CACNA2D3: variants seen among roughly 807,000 people sequenced by gnomAD.
The protein encoded by CACNA2D3 is calcium voltage-gated channel auxiliary subunit alpha2delta 3, also known as voltage-dependent calcium channel subunit alpha-2/delta-3.
Under a neutral mutation model 160.6 loss-of-function variants are expected in CACNA2D3, and 60 were observed. The ratio of observed to expected loss-of-function variants is 0.37; its 90% CI spans 0.30 to 0.46. The LOEUF is 0.46. Among genes scored for constraint, CACNA2D3 ranks in the 20% least tolerant of loss-of-function variants. CACNA2D3 has a pLI of 1.00. For missense variants in CACNA2D3, 1,205 were observed against 1,365.0 expected (o/e 0.88, Z 1.85); for synonymous variants, 558 against 492.9 (o/e 1.13, Z -1.75).
chr3:54,896,601 T>G, intron 25 of CACNA2D3, 148 bp from the exon 26 acceptor site: 1 of 822,316 alleles, frequency 1.2e-6, no homozygotes, highest in South Asian at 1.6e-5. Flanking sequence ...TGCACAGTGT[T>G]AAGTGAGGCC....
At chr3:54,155,189 G>T (rs1044969572) in intron 2 of CACNA2D3, among the ~76,000 whole-genome samples, 9 of 152,214 alleles carry the variant, frequency 5.9e-5, no homozygotes, top group African/African-American at 2.2e-4. Flanking sequence ...TTAGTGGTCA[G>T]CATGCTAGGC....
intron 2 of CACNA2D3, among the ~76,000 whole-genome samples, chr3:54,287,546 G>A (rs1703065552): frequency 6.8e-6 from 1 of 147,600 alleles, no homozygotes; most frequent in African/African-American, 2.5e-5. Flanking sequence ...GGATACCCAG[G>A]AATTGAACTC....
intron 11 of CACNA2D3, among the ~76,000 whole-genome samples, chr3:54,700,605 TTA>T (rs1408418182): frequency 6.6e-6 from 1 of 152,244 alleles, no homozygotes; most frequent in Admixed American, 6.5e-5. Context: ...GTTTTTATTT[TTA>T]TTTTTAATAT....
intron 4 of CACNA2D3, among the ~76,000 whole-genome samples, chr3:54,501,452 G>A (rs890610321): frequency 2.0e-5 from 3 of 149,852 alleles, no homozygotes; most frequent in Non-Finnish European, 1.5e-5. Flanking sequence ...TGTCACCCAG[G>A]CTAGAGTACA....
At chr3:54,944,912 C>G (rs554979442) in intron 27 of CACNA2D3, among the ~76,000 whole-genome samples, 2 of 152,174 alleles carry the variant, frequency 1.3e-5, no homozygotes, top group East Asian at 1.9e-4. Context: ...GGTGAAGGCT[C>G]TCCCCAAATA....
At chr3:54,698,098 A>T (rs1357159458) in intron 11 of CACNA2D3, among the ~76,000 whole-genome samples, 2 of 152,148 alleles carry the variant, frequency 1.3e-5, no homozygotes, top group Non-Finnish European at 2.9e-5. Flanking sequence ...AAACAATCCA[A>T]ATAATATTTT....
intron 2 of CACNA2D3, among the ~76,000 whole-genome samples, chr3:54,150,900 GATGGATGGGTGA>G (rs1338068629): frequency 2.0e-5 from 3 of 152,086 alleles, no homozygotes; most frequent in South Asian, 2.1e-4. Context: ...GAATGGATTG[GATGGATGGGTGA>G]ATGGATGGGT....
At chr3:54,811,338 G>A (rs1046759942) in intron 13 of CACNA2D3, among the ~76,000 whole-genome samples, 4 of 151,878 alleles carry the variant, frequency 2.6e-5, no homozygotes, top group Non-Finnish European at 4.4e-5. Flanking sequence ...GACCAACCTT[G>A]GCCGCATCTT....
At chr3:54,895,224 G>T (rs1700160778) in intron 25 of CACNA2D3, among the ~76,000 whole-genome samples, 1 of 152,148 alleles carries the variant, frequency 6.6e-6, no homozygotes, top group Non-Finnish European at 1.5e-5. Flanking sequence ...ATAGGAAATT[G>T]TGTTTAATAC....
chr3:54,276,336 AG>A (rs1316300527), intron 2 of CACNA2D3, among the ~76,000 whole-genome samples: 2 of 152,176 alleles, frequency 1.3e-5, no homozygotes, highest in Non-Finnish European at 2.9e-5. Flanking sequence ...TGGGAAGCTG[AG>A]GCGGGCAGAT....
At chr3:54,381,740 A>G (rs552113994) in intron 3 of CACNA2D3, among the ~76,000 whole-genome samples, 1 of 152,322 alleles carries the variant, frequency 6.6e-6, no homozygotes, top group Admixed American at 6.5e-5. Context: ...TATCCCCGCT[A>G]TTCCCCTTGG....
At chr3:54,857,771 T>A (rs1699204146) in intron 17 of CACNA2D3, among the ~76,000 whole-genome samples, 1 of 152,118 alleles carries the variant, frequency 6.6e-6, no homozygotes, top group Non-Finnish European at 1.5e-5. Flanking sequence ...TCAAATGCAG[T>A]TTTGAGTGCT....
chr3:54,162,156 T>C (rs1700358207), intron 2 of CACNA2D3, among the ~76,000 whole-genome samples: 1 of 152,138 alleles, frequency 6.6e-6, no homozygotes, highest in Non-Finnish European at 1.5e-5. Context: ...CAGGTTTGGG[T>C]TGTGTGCTGG....
chr3:54,155,133 A>T (rs1700223305), intron 2 of CACNA2D3, among the ~76,000 whole-genome samples: 1 of 152,212 alleles, frequency 6.6e-6, no homozygotes, highest in Non-Finnish European at 1.5e-5. Flanking sequence ...GTAAAATGGA[A>T]CATTGGAAAA....
At chr3:54,745,933 A>G (rs1176148651) in intron 11 of CACNA2D3, among the ~76,000 whole-genome samples, 1 of 152,106 alleles carries the variant, frequency 6.6e-6, no homozygotes, top group African/African-American at 2.4e-5. Flanking sequence ...ATCATCTATG[A>G]TATTCGTTTG....
intron 4 of CACNA2D3, among the ~76,000 whole-genome samples, chr3:54,408,323 G>A (rs539515450): frequency 3.3e-5 from 5 of 152,128 alleles, no homozygotes; most frequent in South Asian, 2.1e-4. Flanking sequence ...ACATAATATC[G>A]TAATTTTCCA....
At chr3:54,329,353 C>G (rs983028147) in intron 3 of CACNA2D3, among the ~76,000 whole-genome samples, 2 of 152,076 alleles carry the variant, frequency 1.3e-5, no homozygotes, top group Non-Finnish European at 2.9e-5. Flanking sequence ...GTCTTGGGGT[C>G]AGGATAACTT....
chr3:54,263,492 CAGTGAGGA>C lies in CACNA2D3; in HGVS notation c.205-56944_205-56937del, dbSNP rs145784118. ...ATAAAGTAACTTGCCCAGGGTCACACAGTGAGGAAGTGATGCCAAGATTTGAAGTGAGG... is the reference window on the plus strand; with the variant it reads ...ATAAAGTAACTTGCCCAGGGTCACACAGTGATGCCAAGATTTGAAGTGAGG... On this transcript the variant is annotated intron_variant, in intron 2 of 37. Coordinates refer to ENST00000474759, the MANE Select transcript of CACNA2D3 (RefSeq NM_018398.3). Among the ~76,000 whole-genome samples the C allele has an allele frequency of 5.3e-3, 804 of 152,238 alleles. 3 individuals carry two copies. The highest frequency in any genetic ancestry group is 0.018 in the African/African-American group (739 of 41,558).
At chr3:54,706,970 A>G (rs1304005856) in intron 11 of CACNA2D3, among the ~76,000 whole-genome samples, 1 of 152,220 alleles carries the variant, frequency 6.6e-6, no homozygotes, top group African/African-American at 2.4e-5. Flanking sequence ...GAAGCAGCCA[A>G]CCATCCAGAT....
Sources: gnomAD v4.1 joint callset for allele counts (sites outside exome capture counted in the v4.1 genomes callset) on GRCh38, gnomAD v4.1.1 for gene constraint, MANE v1.5 for transcripts, NCBI Gene and HGNC (gene_info 2026-07-23, HGNC 2026-07-21) for gene names.